The following PANX1 variants were observed in gnomAD, a reference collection of about 807,000 sequenced individuals.
PANX1 encodes the protein pannexin-1.
A neutral mutation model predicts 38.7 loss-of-function variants in PANX1; 30 were observed. That is an observed-to-expected ratio of 0.78 (90% CI 0.58 to 1.05). The LOEUF (loss-of-function observed/expected upper bound fraction) is 1.05, where lower values mean the gene tolerates loss of function less well. Ranked by LOEUF, PANX1 falls within the 50% of genes least tolerant of loss-of-function variation. PANX1 has a pLI of 0.00. For synonymous variants in PANX1, 230 were observed against 212.2 expected, an observed-to-expected ratio of 1.08 and a Z score of -0.73; for missense variants, 551 against 517.2, an observed-to-expected ratio of 1.07 and a Z score of -0.63.
At chr11:94,165,776 G>C (rs1432310342) in intron 2 of PANX1, among the ~76,000 whole-genome samples, 1 of 152,110 alleles carries the variant, frequency 6.6e-6, no homozygotes, top group Non-Finnish European at 1.5e-5. Flanking sequence ...CAGGCATGGT[G>C]GTGCATGCCT....
intron 1 of PANX1, among the ~76,000 whole-genome samples, chr11:94,148,450 C>G (rs1946850507): frequency 6.6e-6 from 1 of 152,180 alleles, no homozygotes; most frequent in Admixed American, 6.5e-5. Flanking sequence ...AAATTCAGAC[C>G]TGTTTCATCC....
chr11:94,148,160 G>T (rs76201528), intron 1 of PANX1, among the ~76,000 whole-genome samples: 1 of 152,214 alleles, frequency 6.6e-6, no homozygotes, highest in Non-Finnish European at 1.5e-5. Flanking sequence ...CTCAGAGTCA[G>T]TTCCCACAGA....
In PANX1 at chr11:94,136,983, T is replaced by C. The variant is rs1383830045; in HGVS notation, c.181+7490T>C. On this transcript the variant is annotated intron_variant, in intron 1 of 4. Coordinates refer to ENST00000227638, the MANE Select transcript of PANX1 (RefSeq NM_015368.4). ...GCAAACAGGGAGCAGGCACGTCTTATATGGCAGGAGCAGGAGCAAGAGAGA... is the reference window on the plus strand; with the variant it reads ...GCAAACAGGGAGCAGGCACGTCTTACATGGCAGGAGCAGGAGCAAGAGAGA... Among the ~76,000 whole-genome samples the C allele has an allele frequency of 2.6e-5, 4 of 151,854 alleles. 1 individual carries two copies. The highest frequency in any genetic ancestry group is 4.4e-5 in the Non-Finnish European group (3 of 67,970).
intron 2 of PANX1, among the ~76,000 whole-genome samples, chr11:94,158,385 G>A (rs569308088): frequency 6.6e-6 from 1 of 152,322 alleles, no homozygotes; most frequent in Admixed American, 6.5e-5. Context: ...CAGGAGCATG[G>A]AACGTTCTTC....
chr11:94,172,143 G>A (rs1250033750), intron 2 of PANX1, among the ~76,000 whole-genome samples: 3 of 151,680 alleles, frequency 2.0e-5, no homozygotes, highest in Non-Finnish European at 4.4e-5. Context: ...CCAAACCTTA[G>A]CATTGCCAGA....
Position 94,181,507 on chromosome 11 carries a change from C to G in PANX1, c.*638C>G, listed in dbSNP as rs1947306560. 6.6e-6 allele frequency: 1 copy of G among 152,288 alleles called. No homozygotes were observed. Among genetic ancestry groups the G allele is most frequent in the Non-Finnish European group, 1.5e-5 (1 of 68,104 alleles). 9.4% of individuals were successfully genotyped at this position (152,288 alleles called of 1,614,324 possible). ...ACTGTGCCTTGAAGGGCAGCAGGCC[C>G]AAGTGCTGCTCTGACTGAAAACTGA... On this transcript the variant is annotated 3_prime_UTR_variant, in exon 5 of 5. Transcript: ENST00000227638.
intron 1 of PANX1, among the ~76,000 whole-genome samples, chr11:94,136,724 C>T (rs562104916): frequency 2.9e-4 from 44 of 151,768 alleles, no homozygotes; most frequent in African/African-American, 9.4e-4. Context: ...GCCGAGATCG[C>T]GCCACTGCAC....
At chr11:94,154,165 C>A (rs1160606835) in intron 2 of PANX1, among the ~76,000 whole-genome samples, 1 of 152,106 alleles carries the variant, frequency 6.6e-6, no homozygotes, top group Non-Finnish European at 1.5e-5. Context: ...TGGAATGGAT[C>A]CCTTTGCTTT....
At chr11:94,153,101 C>T (rs540738977) in intron 1 of PANX1, among the ~76,000 whole-genome samples, 6 of 152,190 alleles carry the variant, frequency 3.9e-5, no homozygotes, top group South Asian at 4.2e-4. Context: ...TCCAATTTTC[C>T]GCATTCAGGT....
At chr11:94,141,615 A>G (rs1946762729) in intron 1 of PANX1, among the ~76,000 whole-genome samples, 1 of 151,974 alleles carries the variant, frequency 6.6e-6, no homozygotes, top group Non-Finnish European at 1.5e-5. Flanking sequence ...TTTTCAAAAA[A>G]CCCTAGTTGT....
chr11:94,160,971 C>G (rs965955492), intron 2 of PANX1, among the ~76,000 whole-genome samples: 6 of 152,154 alleles, frequency 3.9e-5, no homozygotes, highest in African/African-American at 1.4e-4. Flanking sequence ...TTTTATTTCT[C>G]CTTCGCTTAT....
intron 2 of PANX1, among the ~76,000 whole-genome samples, chr11:94,170,880 T>C (rs960767670): frequency 1.1e-4 from 16 of 151,780 alleles, no homozygotes; most frequent in Non-Finnish European, 8.8e-5. Context: ...CTGGCACAAT[T>C]GCTGTCCAGC....
chr11:94,142,428 A>C (rs1297886054), intron 1 of PANX1, among the ~76,000 whole-genome samples: 2 of 151,964 alleles, frequency 1.3e-5, no homozygotes, highest in Non-Finnish European at 2.9e-5. Flanking sequence ...CCAGTCTGTC[A>C]CCCCAGGATG....
chr11:94,172,983 G>A (rs2134519203), intron 2 of PANX1, among the ~76,000 whole-genome samples: 1 of 151,838 alleles, frequency 6.6e-6, no homozygotes, highest in East Asian at 1.9e-4. Context: ...CTGAATAGAA[G>A]CCATGCCATC....
chr11:94,140,284 G>A (rs1369137401), intron 1 of PANX1, among the ~76,000 whole-genome samples: 3 of 152,208 alleles, frequency 2.0e-5, no homozygotes, highest in Non-Finnish European at 4.4e-5. Flanking sequence ...AGTTTTCCAG[G>A]TTAATTTTAA....
intron 2 of PANX1, among the ~76,000 whole-genome samples, chr11:94,167,647 A>G (rs1947118374): frequency 6.6e-6 from 1 of 152,266 alleles, no homozygotes; most frequent in Non-Finnish European, 1.5e-5. Flanking sequence ...TTATGATTAT[A>G]TGGAGATTTT....
chr11:94,129,744 G>T (rs1271245377), intron 1 of PANX1, among the ~76,000 whole-genome samples: 1 of 152,128 alleles, frequency 6.6e-6, no homozygotes, highest in African/African-American at 2.4e-5. Context: ...TCGGACTGTG[G>T]CTTATAGTTT....
intron 2 of PANX1, among the ~76,000 whole-genome samples, chr11:94,159,280 G>T (rs1946991643): frequency 6.6e-6 from 1 of 152,140 alleles, no homozygotes; most frequent in African/African-American, 2.4e-5. Context: ...ATGAGTTAGG[G>T]AGGATTCCCT....
rs77300262 is a variant in PANX1 at position 94,152,973 on chromosome 11, G to A, written c.182-518G>A. 2.4e-4 allele frequency among the ~76,000 whole-genome samples: 36 copies of A among 152,254 alleles called. No homozygotes were observed. The East Asian group carries it at 6.4e-3, about 27-fold the overall frequency. On this transcript the variant is annotated intron_variant, in intron 1 of 4. Coordinates refer to ENST00000227638, the MANE Select transcript of PANX1 (RefSeq NM_015368.4). ...GCCTGTTTCTTCTTTAGTGTTACAG[G>A]AGGTAGGAAACCACTGATTTCCCAT...
Sources: gnomAD v4.1 joint callset for allele counts (sites outside exome capture counted in the v4.1 genomes callset) on GRCh38, gnomAD v4.1.1 for gene constraint, MANE v1.5 for transcripts, NCBI Gene and HGNC (gene_info 2026-07-23, HGNC 2026-07-21) for gene names.